Variants in TESC observed in about 807,000 individuals in gnomAD.
TESC encodes tescalcin, also known as calcineurin B homologous protein 3.
In TESC, 19 loss-of-function variants were observed where a neutral mutation model predicts 31.0. The observed-to-expected ratio is 0.61, with a 90% CI of 0.43 to 0.90. The LOEUF (loss-of-function observed/expected upper bound fraction) is 0.90. Ranked by LOEUF, TESC falls within the 40% of genes least tolerant of loss-of-function variation. The pLI is 0.00. For missense variants in TESC, 248 were observed against 303.8 expected, an observed-to-expected ratio of 0.82 and a Z score of 1.36; for synonymous variants, 109 against 114.8, an observed-to-expected ratio of 0.95 and a Z score of 0.32.
At chr12:117,092,672 G>C (rs1466233772) in intron 1 of TESC, among the ~76,000 whole-genome samples, 4 of 152,178 alleles carry the variant, frequency 2.6e-5, no homozygotes, top group Non-Finnish European at 5.9e-5. Context: ...CTCTGCTGAG[G>C]AGCCACTGTC....
intron 3 of TESC, among the ~76,000 whole-genome samples, chr12:117,050,781 T>G (rs543576728): frequency 6.6e-6 from 1 of 152,242 alleles, no homozygotes; most frequent in Non-Finnish European, 1.5e-5. Context: ...AAAAATTAGA[T>G]GGGTGCGGTG....
chr12:117,046,222 C>T (rs1565958768), intron 6 of TESC, among the ~76,000 whole-genome samples: 1 of 152,230 alleles, frequency 6.6e-6, no homozygotes, highest in Non-Finnish European at 1.5e-5. Context: ...CCAGCCTGTG[C>T]CATGTGCTAC....
At chr12:117,077,917 G>A (rs544985249) in intron 1 of TESC, among the ~76,000 whole-genome samples, 2 of 152,074 alleles carry the variant, frequency 1.3e-5, no homozygotes, top group African/African-American at 4.8e-5. Context: ...CTTGAGTGAT[G>A]CACTGTTCTG....
intron 2 of TESC, among the ~76,000 whole-genome samples, chr12:117,071,457 A>G (rs1954972491): frequency 6.6e-6 from 1 of 152,154 alleles, no homozygotes; most frequent in Non-Finnish European, 1.5e-5. Flanking sequence ...GGGGCAGGAG[A>G]CGTGTCTTGG....
At position 117,041,985 on chromosome 12, in the gene TESC, G is replaced by T. The variant is rs1320131082; in HGVS notation, c.529C>A (p.Gln177Lys). The change falls in exon 7 of 8, where the codon CAG becomes AAG. Residue 177 changes from glutamine to lysine, a missense_variant. Coordinates refer to ENST00000335209, the MANE Select transcript of TESC (RefSeq NM_017899.4). ...TCGAAGGTGATCCCCTCGTACACCTGATCAGGCTCCTGGGGACGGAAGCAC... is the reference window on the plus strand; with the variant it reads ...TCGAAGGTGATCCCCTCGTACACCTTATCAGGCTCCTGGGGACGGAAGCAC... ...SVCMGQMEPD[Q>K]VYEGITFEDF... 1.9e-6 allele frequency: 3 copies of T among 1,596,318 alleles called. No homozygotes were observed. In the East Asian group the frequency reaches 6.8e-5, roughly 36 times the overall value.
At chr12:117,088,451 C>T (rs901386095) in intron 1 of TESC, among the ~76,000 whole-genome samples, 1 of 152,146 alleles carries the variant, frequency 6.6e-6, no homozygotes, top group Non-Finnish European at 1.5e-5. Context: ...GAGACTGAGG[C>T]GGGTGCATCA....
chr12:117,061,055 C>T (rs7964686), intron 2 of TESC, among the ~76,000 whole-genome samples: 54,947 of 152,076 alleles, frequency 0.36, 10,883 homozygotes, highest in African/African-American at 0.53. Flanking sequence ...CTGGGTCAAA[C>T]GGCGTTGCCT....
intron 1 of TESC, among the ~76,000 whole-genome samples, chr12:117,096,453 T>C (rs1283373677): frequency 2.0e-5 from 3 of 152,056 alleles, no homozygotes; most frequent in Admixed American, 6.6e-5. Flanking sequence ...AGGATCCAGG[T>C]GGGGGTACTG....
At chr12:117,060,376 G>T (rs1200685305) in intron 2 of TESC, among the ~76,000 whole-genome samples, 1 of 152,120 alleles carries the variant, frequency 6.6e-6, no homozygotes, top group Non-Finnish European at 1.5e-5. Flanking sequence ...GTCTGTCAAA[G>T]TCCCTCTGTG....
chr12:117,084,947 C>T (rs1331293327), intron 1 of TESC, among the ~76,000 whole-genome samples: 3 of 152,230 alleles, frequency 2.0e-5, no homozygotes, highest in Admixed American at 2.0e-4. Flanking sequence ...TTGCTAGGTG[C>T]TTGCTAGAGG....
At chr12:117,060,416 A>C (rs1284198005) in intron 2 of TESC, among the ~76,000 whole-genome samples, 2 of 152,164 alleles carry the variant, frequency 1.3e-5, no homozygotes, top group Non-Finnish European at 2.9e-5. Flanking sequence ...TATGCAGGTC[A>C]CACCCTCACT....
intron 3 of TESC, among the ~76,000 whole-genome samples, chr12:117,056,380 C>G (rs1431181758): frequency 6.6e-6 from 1 of 151,586 alleles, no homozygotes; most frequent in Non-Finnish European, 1.5e-5. Context: ...TTTAAAAAGT[C>G]TTATTTTTTA....
intron 1 of TESC, among the ~76,000 whole-genome samples, chr12:117,084,807 C>T (rs1955193799): frequency 6.6e-6 from 1 of 152,192 alleles, no homozygotes; most frequent in East Asian, 1.9e-4. Flanking sequence ...GTCCCAGGAC[C>T]CAGATGAGGG....
At chr12:117,086,441 T>G (rs562433058) in intron 1 of TESC, among the ~76,000 whole-genome samples, 1 of 151,894 alleles carries the variant, frequency 6.6e-6, no homozygotes, top group South Asian at 2.1e-4. Flanking sequence ...GTTAACTTTT[T>G]TTTGAGACAG....
intron 3 of TESC, among the ~76,000 whole-genome samples, chr12:117,054,701 C>T (rs921017194): frequency 6.6e-6 from 1 of 152,178 alleles, no homozygotes; most frequent in African/African-American, 2.4e-5. Flanking sequence ...CAGGGTCCCA[C>T]ATCCCTGGCA....
At chr12:117,084,661 G>A (rs912300895) in intron 1 of TESC, among the ~76,000 whole-genome samples, 18 of 152,216 alleles carry the variant, frequency 1.2e-4, no homozygotes, top group Non-Finnish European at 2.5e-4. Flanking sequence ...CAGGGAGGAT[G>A]GGAGGGGCCC....
chr12:117,054,937 C>A (rs1442738594), intron 3 of TESC, among the ~76,000 whole-genome samples: 1 of 152,160 alleles, frequency 6.6e-6, no homozygotes, highest in African/African-American at 2.4e-5. Flanking sequence ...ACCCCTTCAT[C>A]CCCCCTAGAG....
chr12:117,040,478 G>A (rs141145578), intron 7 of TESC, among the ~76,000 whole-genome samples: 166 of 152,262 alleles, frequency 1.1e-3, no homozygotes, highest in African/African-American at 3.8e-3. Context: ...AGTTGGTTTC[G>A]GAGGCAAAGA....
In TESC at chr12:117,048,907, C is replaced by T; in HGVS notation, c.349+112G>A. ...CTGGTGGCCCCAAGCCCTCCAAGCCCCCAAGCCAATGCACACCCAGCCTCC... is the reference window on the plus strand; with the variant it reads ...CTGGTGGCCCCAAGCCCTCCAAGCCTCCAAGCCAATGCACACCCAGCCTCC... On this transcript the variant is annotated intron_variant, in intron 4 of 7. Coordinates refer to ENST00000335209, the MANE Select transcript of TESC (RefSeq NM_017899.4). 6 of 1,549,582 alleles carry T rather than the reference C, an allele frequency of 3.9e-6. No individual in the cohort carries two copies. In the South Asian group the frequency reaches 5.8e-5, roughly 15 times the overall value.
Sources: allele counts gnomAD v4.1 joint callset (sites outside exome capture counted in the v4.1 genomes callset), GRCh38; gene constraint gnomAD v4.1.1; transcripts MANE v1.5; gene names NCBI Gene and HGNC (gene_info 2026-07-23, HGNC 2026-07-21).